ATG10: variants seen among roughly 807,000 people sequenced by gnomAD.
ATG10 encodes ubiquitin-like-conjugating enzyme ATG10.
In ATG10, 30 loss-of-function variants were observed where a neutral mutation model predicts 32.1. That is an observed-to-expected ratio of 0.94 (90% CI 0.70 to 1.27). The LOEUF is 1.27. Ranked by LOEUF, ATG10 falls within the 50% of genes most tolerant of loss-of-function variation. ATG10 has a pLI of 0.00. For synonymous variants in ATG10, 87 were observed against 91.5 expected, an observed-to-expected ratio of 0.95 and a Z score of 0.28; for missense variants, 233 against 262.3, an observed-to-expected ratio of 0.89 and a Z score of 0.77.
intron 1 of ATG10, among the ~76,000 whole-genome samples, chr5:81,983,574 C>T (rs1761140799): frequency 6.7e-6 from 1 of 148,590 alleles, no homozygotes; most frequent in Non-Finnish European, 1.5e-5. Flanking sequence ...CCTCACTTCC[C>T]AGTAGGGGCG....
intron 5 of ATG10, among the ~76,000 whole-genome samples, chr5:82,218,852 ACT>A (rs1239341863): frequency 1.3e-5 from 2 of 152,060 alleles, no homozygotes; most frequent in African/African-American, 2.4e-5. Flanking sequence ...AATCATTAAG[ACT>A]CTGTCAAGTT....
At chr5:82,164,790 C>T (rs541014681) in intron 4 of ATG10, among the ~76,000 whole-genome samples, 20 of 152,228 alleles carry the variant, frequency 1.3e-4, no homozygotes, top group African/African-American at 4.1e-4. Flanking sequence ...GACTAAGCCC[C>T]CTGGCCCTTT....
intron 4 of ATG10, among the ~76,000 whole-genome samples, chr5:82,178,108 A>T (rs977101790): frequency 3.3e-5 from 5 of 152,140 alleles, no homozygotes; most frequent in African/African-American, 1.2e-4. Context: ...TGTTTTAAGG[A>T]CTAGAGTAAG....
chr5:82,133,865 T>C lies in ATG10; in HGVS notation c.217-30534T>C, dbSNP rs140122699. Among the ~76,000 whole-genome samples, 11 of 152,204 alleles carry C rather than the reference T, an allele frequency of 7.2e-5. 1 individual carries two copies. The East Asian group carries it at 1.8e-3, about 24-fold the overall frequency. On this transcript the variant is annotated intron_variant, in intron 3 of 7. Coordinates refer to ENST00000282185, the MANE Select transcript of ATG10 (RefSeq NM_031482.5). Reference sequence around the variant, plus strand: ...AACTATCCATGAGCATGGAATGTTTTTCCATTTGTTCGTGTCCTCTCTTAT... The same window carrying C: ...AACTATCCATGAGCATGGAATGTTTCTCCATTTGTTCGTGTCCTCTCTTAT...
intron 3 of ATG10, among the ~76,000 whole-genome samples, chr5:82,139,412 GC>G (rs1766940945): frequency 6.8e-6 from 1 of 146,784 alleles, no homozygotes; most frequent in Non-Finnish European, 1.5e-5. Flanking sequence ...CCTCTTCCCA[GC>G]CGCCATCACA....
intron 5 of ATG10, among the ~76,000 whole-genome samples, chr5:82,229,882 C>T (rs1366888210): frequency 1.3e-5 from 2 of 152,174 alleles, no homozygotes; most frequent in Non-Finnish European, 2.9e-5. Flanking sequence ...CAAAGGATGG[C>T]TGTACCAGCT....
chr5:82,118,205 T>TGTGTAATTAATAGAAAAAATTAATTACAC (rs1765886148), intron 3 of ATG10, among the ~76,000 whole-genome samples: 2 of 150,726 alleles, frequency 1.3e-5, no homozygotes, highest in Non-Finnish European at 3.0e-5. Flanking sequence ...TGTAATTACA[T>TGTGTAATTAATAGAAAAAATTAATTACAC]GTGTAATTAA....
chr5:82,148,908 T>A (rs1364693723), intron 3 of ATG10, among the ~76,000 whole-genome samples: 2 of 152,188 alleles, frequency 1.3e-5, no homozygotes, highest in African/African-American at 4.8e-5. Flanking sequence ...TGGCTCCTCT[T>A]TTCCACCTAT....
intron 3 of ATG10, among the ~76,000 whole-genome samples, chr5:82,123,688 C>T (rs970599622): frequency 1.8e-4 from 26 of 143,622 alleles, no homozygotes; most frequent in African/African-American, 6.3e-4. Flanking sequence ...CCAGCACTTT[C>T]GGAGACCCAG....
intron 5 of ATG10, among the ~76,000 whole-genome samples, chr5:82,229,228 A>G (rs1057016917): frequency 1.3e-5 from 2 of 152,204 alleles, no homozygotes; most frequent in Non-Finnish European, 2.9e-5. Flanking sequence ...AGACAATTTT[A>G]CTTCATGCTG....
Position 82,252,631 on chromosome 5 carries a change from G to T in ATG10, c.523G>T (p.Val175Leu). Reference protein sequence around the residue: ...PCKTNEFMTPVLKNSQKINKN... With the variant: ...PCKTNEFMTPLLKNSQKINKN... ...CAAGACGAATGAATTCATGACTCCTGTATTAAAGAATTCTCAGAAAATCAA... is the reference window on the plus strand; with the variant it reads ...CAAGACGAATGAATTCATGACTCCTTTATTAAAGAATTCTCAGAAAATCAA... Residue 175 changes from valine (V) to leucine (L), a missense_variant, in exon 6 of 8, where the codon GTA becomes TTA. Physicochemically the swap from Val to Leu is conservative, Grantham distance 32 (BLOSUM62 1). Coordinates refer to ENST00000282185, the MANE Select transcript of ATG10 (RefSeq NM_031482.5). The T allele has an allele frequency of 6.3e-7, 1 of 1,599,442 alleles. No individual in the cohort carries two copies. The highest frequency in any genetic ancestry group is 8.5e-7 in the Non-Finnish European group (1 of 1,173,376).
At chr5:82,030,374 T>C (rs1280379300) in intron 2 of ATG10, among the ~76,000 whole-genome samples, 1 of 152,202 alleles carries the variant, frequency 6.6e-6, no homozygotes, top group Admixed American at 6.5e-5. Flanking sequence ...TTTTGCTCCC[T>C]AGTTGGATTA....
chr5:82,174,433 G>T (rs1314733079), intron 4 of ATG10, among the ~76,000 whole-genome samples: 1 of 152,212 alleles, frequency 6.6e-6, no homozygotes, highest in Admixed American at 6.5e-5. Flanking sequence ...TTTGGGAACT[G>T]CTGGTTTTGA....
At chr5:82,019,883 G>A (rs895504320) in intron 2 of ATG10, among the ~76,000 whole-genome samples, 2 of 152,214 alleles carry the variant, frequency 1.3e-5, no homozygotes, top group African/African-American at 4.8e-5. Context: ...GAGTAGCCAG[G>A]CTTGACCTAT....
chr5:82,063,188 A>C (rs896276490), intron 3 of ATG10, among the ~76,000 whole-genome samples: 3 of 152,046 alleles, frequency 2.0e-5, no homozygotes, highest in African/African-American at 7.2e-5. Context: ...GCCTGGTGGC[A>C]TGCACCTGTA....
chr5:81,986,111 T>A (rs1761262219), intron 1 of ATG10, among the ~76,000 whole-genome samples: 1 of 152,140 alleles, frequency 6.6e-6, no homozygotes, highest in South Asian at 2.1e-4. Context: ...GGTTTCACCG[T>A]GTTAGCCAGG....
At chr5:82,021,697 A>G (rs1762441764) in intron 2 of ATG10, among the ~76,000 whole-genome samples, 1 of 151,978 alleles carries the variant, frequency 6.6e-6, no homozygotes, top group Non-Finnish European at 1.5e-5. Flanking sequence ...CCTGGCCAAC[A>G]TGGTGAAACC....
At chr5:82,229,518 CTG>C (rs1189905406) in intron 5 of ATG10, among the ~76,000 whole-genome samples, 1 of 152,140 alleles carries the variant, frequency 6.6e-6, no homozygotes, top group Admixed American at 6.5e-5. Flanking sequence ...CAATTGTAAA[CTG>C]TAATTAATAT....
At chr5:82,016,765 C>A (rs191629318) in intron 2 of ATG10, among the ~76,000 whole-genome samples, 1 of 151,492 alleles carries the variant, frequency 6.6e-6, no homozygotes, top group Admixed American at 6.6e-5. Context: ...CTCAGCTCAC[C>A]GCAAGCTCTG....
Sources: allele counts gnomAD v4.1 joint callset (sites outside exome capture counted in the v4.1 genomes callset), GRCh38; gene constraint gnomAD v4.1.1; transcripts MANE v1.5; gene names NCBI Gene and HGNC (gene_info 2026-07-23, HGNC 2026-07-21).